The following SEPTIN1 variants were observed in gnomAD, a reference collection of about 807,000 sequenced individuals.
SEPTIN1 encodes septin-1.
A neutral mutation model predicts 50.7 loss-of-function variants in SEPTIN1; 52 were observed. That is an observed-to-expected ratio of 1.03 (90% confidence interval 0.82 to 1.29). The LOEUF is 1.29. Among genes scored for constraint, SEPTIN1 ranks in the 50% most tolerant of loss-of-function variants. The pLI, the probability that SEPTIN1 is intolerant of heterozygous loss-of-function variation, is 0.00. For synonymous variants in SEPTIN1, 204 were observed against 189.1 expected (o/e 1.08, Z -0.65); for missense variants, 455 against 490.7 (o/e 0.93, Z 0.69).
Position 30,379,414 on chromosome 16 carries a change from C to A in SEPTIN1, c.775+21G>T, listed in dbSNP as rs769576285. ...CCCGGGCTCCCTGCTGGCCTTAGGA[C>A]CCCTGCCTGGCCTCACTCACCCTCC... On this transcript the variant is annotated intron_variant, in intron 8 of 10. Transcript: ENST00000321367. 5.7e-5 allele frequency: 91 copies of A among 1,604,646 alleles called. No individual in the cohort carries two copies. In the East Asian group the frequency reaches 1.2e-3, roughly 22 times the overall value.
chr16:30,378,190 C>T lies in SEPTIN1; in HGVS notation c.*244G>A, dbSNP rs1020559693. The T allele has an allele frequency of 8.6e-6, 6 of 700,084 alleles. No individual in the cohort carries two copies. Among genetic ancestry groups the T allele is most frequent in the Middle Eastern group, 2.3e-4 (1 of 4,328 alleles). The allele number at this position is 700,084 out of a possible 1,614,324, so 43.4% of individuals were successfully genotyped here. A position where few individuals can be genotyped will look rare whatever the true frequency, so the allele number is the denominator to read the frequency against. ...ACAGAGTCTGGGAGAAGAAGGGGGACTCCGGAAGACAGTGATGCGGTCGGA... is the reference window on the plus strand; with the variant it reads ...ACAGAGTCTGGGAGAAGAAGGGGGATTCCGGAAGACAGTGATGCGGTCGGA... On this transcript the variant is annotated 3_prime_UTR_variant, in exon 11 of 11. Coordinates refer to ENST00000321367, the MANE Select transcript of SEPTIN1 (RefSeq NM_001365977.2).
At position 30,378,386 on chromosome 16, in the gene SEPTIN1, GAGGCCGACTGA is replaced by G; in HGVS notation, c.*37_*47del. 1.3e-6 allele frequency: 2 copies of G among 1,498,264 alleles called. No individual in the cohort carries two copies. The highest frequency in any genetic ancestry group is 2.5e-5 in the South Asian group (2 of 81,104). 92.8% of individuals were successfully genotyped at this position (1,498,264 alleles called of 1,614,324 possible). ...AGTGTGGGGCGCGGGGATTGGACAA[GAGGCCGACTGA>G]AGGCGGAGCCGAGGTAAGGCCGGGC... On this transcript the variant is annotated 3_prime_UTR_variant, in exon 11 of 11. Coordinates refer to ENST00000321367, the MANE Select transcript of SEPTIN1 (RefSeq NM_001365977.2).
Position 30,381,079 on chromosome 16 carries a change from C to G in SEPTIN1, c.573+48G>C. On this transcript the variant is annotated intron_variant, in intron 6 of 10. Coordinates refer to ENST00000321367, the MANE Select transcript of SEPTIN1 (RefSeq NM_001365977.2). This position sits in a 1 kb window ranked among gnomAD's most constrained non-coding sequence, Gnocchi z 4.3. ...AGATCAAAGAAGTCTAAGCTGAAAT[C>G]AGGTTTGGCTTCACATGGGGTCAAA... 7.1e-7 allele frequency: 1 copy of G among 1,414,022 alleles called. No homozygotes were observed. Among genetic ancestry groups the G allele is most frequent in the Non-Finnish European group, 1.0e-6 (1 of 997,314 alleles). 87.6% of individuals were successfully genotyped at this position (1,414,022 alleles called of 1,614,324 possible).
At position 30,382,047 on chromosome 16, in the gene SEPTIN1, C is replaced by G. The variant is rs1184169517; in HGVS notation, c.196+46G>C. ...CCAGATGGAAAAGACTAGGGTGTAACCTGGGGACAGGGGCTACTGCCTCAA... is the reference window on the plus strand; with the variant it reads ...CCAGATGGAAAAGACTAGGGTGTAAGCTGGGGACAGGGGCTACTGCCTCAA... On this transcript the variant is annotated intron_variant, in intron 3 of 10. Transcript: ENST00000321367. The surrounding 1 kb of genome is among the most constrained non-coding windows in gnomAD (Gnocchi z 4.8). The G allele has an allele frequency of 4.4e-6, 7 of 1,586,614 alleles. No homozygotes were observed. Among genetic ancestry groups the G allele is most frequent in the Non-Finnish European group, 6.0e-6 (7 of 1,164,016 alleles).
Position 30,382,226 on chromosome 16 carries a change from G to T in SEPTIN1, c.110-47C>A, listed in dbSNP as rs1410049706. On this transcript the variant is annotated intron_variant, in intron 2 of 10. Coordinates refer to ENST00000321367, the MANE Select transcript of SEPTIN1 (RefSeq NM_001365977.2). The surrounding 1 kb of genome is among the most constrained non-coding windows in gnomAD (Gnocchi z 4.8). ...CTGGTCAGGGGAGGGGACAGCCAGG[G>T]CCTCCTAAGGACATCCCCTCCGCAG... is the stretch of plus-strand genomic sequence containing the variant. The T allele has an allele frequency of 6.2e-7, 1 of 1,612,626 alleles. No individual in the cohort carries two copies. The highest frequency in any genetic ancestry group is 8.5e-7 in the Non-Finnish European group (1 of 1,178,714).
chr16:30,380,365 C>G, intron 6 of SEPTIN1: 1 of 161,122 alleles, frequency 6.2e-6, no homozygotes, highest in Non-Finnish European at 1.4e-5. Flanking sequence ...CCAGTGGCTC[C>G]ATCTTGGTTC....
Position 30,382,351 on chromosome 16 carries a change from C to T in SEPTIN1, c.33G>A (p.Val11=), listed in dbSNP as rs916707242. 6.2e-6 allele frequency: 10 copies of T among 1,612,582 alleles called. No homozygotes were observed. The highest frequency in any genetic ancestry group is 8.5e-6 in the Non-Finnish European group (10 of 1,179,212). Residue 11 remains valine (V), a synonymous_variant, in exon 2 of 11, where the codon GTG becomes GTA. Coordinates refer to ENST00000321367, the MANE Select transcript of SEPTIN1 (RefSeq NM_001365977.2). The surrounding 1 kb of genome is among the most constrained non-coding windows in gnomAD (Gnocchi z 4.8). MAGGVMDKEY[V]GFAALPNQLH... ...GCTGGTTGGGGAGGGCAGCAAAACCCACGTACTCCTTGTCCTATGGATGGG... is the reference window on the plus strand; with the variant it reads ...GCTGGTTGGGGAGGGCAGCAAAACCTACGTACTCCTTGTCCTATGGATGGG...
chr16:30,379,327 AG>A, intron 8 of SEPTIN1, 107 bp downstream of exon 8: 1 of 1,431,104 alleles, frequency 7.0e-7, no homozygotes, highest in African/African-American at 1.4e-5. Flanking sequence ...CTTTCCTCCT[AG>A]GATCCCCTGG....
Position 30,382,171 on chromosome 16 carries a change from C to G in SEPTIN1, c.118G>C (p.Gly40Arg), listed in dbSNP as rs1378888330. 1 of 1,609,138 alleles carries G rather than the reference C, an allele frequency of 6.2e-7. No homozygotes were observed. Among genetic ancestry groups the G allele is most frequent in the Non-Finnish European group, 8.5e-7 (1 of 1,177,808 alleles). The change falls in exon 3 of 11, where the codon GGC becomes CGC. Residue 40 changes from glycine (G) to arginine (R), a missense_variant. Gly to Arg is a moderately radical substitution (Grantham distance 125, BLOSUM62 -2). Transcript: ENST00000321367. This position sits in a 1 kb window ranked among gnomAD's most constrained non-coding sequence, Gnocchi z 4.8. ...TTGATGAGGGTGGATTTCCCTAGGCCTGACTCCCCTGTGGACAGAACAGGC... is the reference window on the plus strand; with the variant it reads ...TTGATGAGGGTGGATTTCCCTAGGCGTGACTCCCCTGTGGACAGAACAGGC... ...DFTLMVAGES[G>R]LGKSTLINSL...
chr16:30,379,283 C>T (rs2151109945), intron 8 of SEPTIN1, 100 bp from the exon 9 acceptor site: 1 of 1,517,524 alleles, frequency 6.6e-7, no homozygotes, highest in East Asian at 2.3e-5. Context: ...GCCACTCTAG[C>T]GGAGGGTCCG....
rs2049844546 is a variant in SEPTIN1, at chr16:30,381,288, A to C, written c.456-44T>G. ...CATTGCCCAGCCTCAGGGGGCAGAG[A>C]CCCCCCAGCCCTCCCTAAATGCGCC... On this transcript the variant is annotated intron_variant, in intron 5 of 10. Transcript: ENST00000321367. This position sits in a 1 kb window ranked among gnomAD's most constrained non-coding sequence, Gnocchi z 4.3. 2 of 1,498,642 alleles carry C rather than the reference A, an allele frequency of 1.3e-6. No individual in the cohort carries two copies. The highest frequency in any genetic ancestry group is 1.9e-6 in the Non-Finnish European group (2 of 1,076,058). The allele number at this position is 1,498,642 out of a possible 1,614,324, so 92.8% of individuals were successfully genotyped here.
In SEPTIN1 at chr16:30,379,935, C is replaced by G. The variant is rs1254787160; in HGVS notation, c.672G>C (p.Met224Ile). 1.3e-6 allele frequency: 2 copies of G among 1,512,540 alleles called. No individual in the cohort carries two copies. Among genetic ancestry groups the G allele is most frequent in the Non-Finnish European group, 1.8e-6 (2 of 1,089,454 alleles). 93.7% of individuals were successfully genotyped at this position (1,512,540 alleles called of 1,614,324 possible). Residue 224 changes from methionine (M) to isoleucine (I), a missense_variant, in exon 7 of 11, where the codon ATG becomes ATC. Physicochemically the swap from Met to Ile is conservative, Grantham distance 10 (BLOSUM62 1). Coordinates refer to ENST00000321367, the MANE Select transcript of SEPTIN1 (RefSeq NM_001365977.2). ...DEDFKRQDAE[M>I]KESIPFAVVG... ...CTTCCTTCTTTGTTTCCCACACCTT[C>G]ATCTCTGCATCCTGCCTCTTGAAGT...
At chr16:30,378,940 T>A (rs2049796988) in intron 9 of SEPTIN1, 78 bp downstream of exon 9, 4 of 1,420,864 alleles carry the variant, frequency 2.8e-6, no homozygotes, top group Middle Eastern at 4.7e-4. Flanking sequence ...TCACGGGTGG[T>A]GGGGACGAGT....
Position 30,378,455 on chromosome 16 carries a change from G to T in SEPTIN1, c.1098C>A (p.Gly366=), listed in dbSNP as rs779596462. 1.9e-6 allele frequency: 3 copies of T among 1,570,564 alleles called. No individual in the cohort carries two copies. Among genetic ancestry groups the T allele is most frequent in the South Asian group, 1.1e-5 (1 of 88,100 alleles). ...GGCCTCAGAGGGCGTCTGACTGCTC[G>T]CCCTGGGCCTGGCTCTGCTGCATTT... The part of the protein sequence containing the change: ...QAQMQQSQAQ[G]EQSDAL The change falls in exon 11 of 11, where the codon GGC becomes GGA. Residue 366 remains glycine (G), a synonymous_variant. Transcript: ENST00000321367.
intron 9 of SEPTIN1, 123 bp from the exon 10 acceptor site, chr16:30,378,823 G>A: frequency 9.5e-7 from 1 of 1,049,482 alleles, no homozygotes; most frequent in Non-Finnish European, 1.4e-6. Flanking sequence ...CTTGAGGTTA[G>A]GGCCGGAGGC....
chr16:30,379,908 G>T, intron 7 of SEPTIN1, 24 bp downstream of exon 7: 2 of 1,328,512 alleles, frequency 1.5e-6, no homozygotes, highest in Non-Finnish European at 2.2e-6. Context: ...TGCCCGGCCT[G>T]CCTTCCTTCT....
intron 6 of SEPTIN1, chr16:30,380,673 G>C (rs2049832133): frequency 1.1e-5 from 2 of 176,282 alleles, no homozygotes; most frequent in Non-Finnish European, 2.5e-5. Flanking sequence ...AAGAGGCTGA[G>C]GCAGGAGGAT....
At chr16:30,380,812 C>A in intron 6 of SEPTIN1, 1 of 390,274 alleles carries the variant, frequency 2.6e-6, no homozygotes, top group South Asian at 2.8e-5. Context: ...GAGATATAAG[C>A]AGAAACAGTG....
intron 6 of SEPTIN1, 43 bp from the exon 7 acceptor site, chr16:30,380,076 A>G (rs1366432596): frequency 2.6e-6 from 4 of 1,521,100 alleles, no homozygotes; most frequent in Non-Finnish European, 3.6e-6. Flanking sequence ...ACGGGCCACA[A>G]TGACAGACAT....
Sources: allele counts gnomAD v4.1 joint callset, GRCh38; gene constraint gnomAD v4.1.1; non-coding constraint Gnocchi (gnomAD v3.1); transcripts MANE v1.5; gene names NCBI Gene and HGNC (gene_info 2026-07-23, HGNC 2026-07-21).